The following ASB12 variants were observed in gnomAD, a reference collection of about 807,000 sequenced individuals.
ASB12 encodes ankyrin repeat and SOCS box containing 12, also known as ankyrin repeat and SOCS box protein 12.
Under a neutral mutation model 13.7 loss-of-function variants are expected in ASB12, and 17 were observed. That is an observed-to-expected ratio of 1.24 (90% CI 0.85 to 1.86). The LOEUF is 1.86. Ranked by LOEUF, ASB12 falls within the 40% of genes most tolerant of loss-of-function variation. The pLI is 0.00. For synonymous variants in ASB12, 107 were observed against 99.8 expected (o/e 1.07, Z -0.43); for missense variants, 329 against 250.5 (o/e 1.31, Z -2.11).
chrX:64,225,798 C>A, intron 1 of ASB12, 124 bp from the exon 2 acceptor site: 2 of 837,305 alleles, frequency 2.4e-6, no homozygotes, highest in African/African-American at 4.1e-5. Context: ...CTACTTCTCA[C>A]TCCCAATCCC....
intron 1 of ASB12, among the ~76,000 whole-genome samples, chrX:64,227,866 T>C (rs888972328): frequency 8.0e-5 from 9 of 111,848 alleles, no homozygotes; most frequent in Non-Finnish European, 1.5e-4. Flanking sequence ...CCCACTCTCA[T>C]AAAATCCCAT....
In ASB12 at chrX:64,224,919, G is replaced by A. The variant is rs1466875448; in HGVS notation, c.732C>T (p.Ile244=). Residue 244 remains isoleucine, a synonymous_variant, in exon 2 of 3, where the codon ATC becomes ATT. Transcript: ENST00000362002. The stretch of plus-strand genomic sequence containing the variant: ...GAAGGTAGATATTAGCACCAAAATC[G>A]ATTAACAGCTGGATATACTCTGGCT... ...NCEPEYIQLL[I]DFGANIYLPS... 1 of 1,210,805 alleles carries A rather than the reference G, an allele frequency of 8.3e-7. No individual in the cohort carries two copies. The highest frequency in any genetic ancestry group is 1.8e-5 in the South Asian group (1 of 56,793).
In ASB12 at chrX:64,224,218, G is replaced by T; in HGVS notation, c.*117C>A. ...CTTATTTTCTGGAGAATTTTATTGT[G>T]GAGGATAATACAGGAGAGCAGCTCC... On this transcript the variant is annotated 3_prime_UTR_variant, in exon 3 of 3. Transcript: ENST00000362002. The T allele has an allele frequency of 2.4e-6, 2 of 845,931 alleles. No individual in the cohort carries two copies. The highest frequency in any genetic ancestry group is 3.4e-6 in the Non-Finnish European group (2 of 589,267). 69.7% of individuals were successfully genotyped at this position (845,931 alleles called of 1,213,427 possible).
chrX:64,224,502 T>C lies in ASB12; in HGVS notation c.824-34A>G, dbSNP rs140412046. 3.6e-4 allele frequency: 428 copies of C among 1,186,109 alleles called. 2 individuals are homozygous for C. In the East Asian group the frequency reaches 0.011, roughly 31 times the overall value. On this transcript the variant is annotated intron_variant, in intron 2 of 2. Coordinates refer to ENST00000362002, the MANE Select transcript of ASB12 (RefSeq NM_130388.4). ...AGAAGAAACAGGTCATGAGGAGCAA[T>C]TATCAGCAAAATTCTCCCACACAAG...
At chrX:64,226,962 C>T in intron 1 of ASB12, among the ~76,000 whole-genome samples, 1 of 110,769 alleles carries the variant, frequency 9.0e-6, no homozygotes, top group Admixed American at 9.6e-5. Context: ...GGCCCCTCCC[C>T]ACCCACCAGC....
In ASB12 at chrX:64,226,556, A is replaced by G. The variant is rs746495142; in HGVS notation, c.-24-882T>C. On this transcript the variant is annotated intron_variant, in intron 1 of 2. Transcript: ENST00000362002. ...AATCCAGGAGTCCCTTTGATTGCCA[A>G]CACTGGCTCCCCATTCCTCTGGCTT... Among the ~76,000 whole-genome samples, 3 of 111,803 alleles carry G rather than the reference A, an allele frequency of 2.7e-5. No homozygotes were observed. The South Asian group carries it at 1.1e-3, about 42-fold the overall frequency.
chrX:64,229,044 G>T (rs1931004882), intron 1 of ASB12, among the ~76,000 whole-genome samples: 1 of 111,217 alleles, frequency 9.0e-6, no homozygotes, highest in Non-Finnish European at 1.9e-5. Context: ...TCTATTACAA[G>T]ATGAAACACA....
At chrX:64,224,767 A>T (rs1930897906) in intron 2 of ASB12, 61 bp downstream of exon 2, 3 of 1,128,097 alleles carry the variant, frequency 2.7e-6, no homozygotes, top group South Asian at 4.4e-5. Flanking sequence ...CTTATACGTG[A>T]TTTAGAGCCC....
chrX:64,225,472 T>A lies in ASB12; in HGVS notation c.179A>T (p.Tyr60Phe). ...TLDQLLRQER[Y>F]KRFINSRSGW... The stretch of plus-strand genomic sequence containing the variant: ...ACTCCTGCTGTTGATGAAACGTTTG[T>A]AACGCTCCTGGCGCAAAAGCTGGTC... The change falls in exon 2 of 3, where the codon TAC (tyrosine) becomes TTC (phenylalanine). Residue 60 changes from tyrosine (Y) to phenylalanine (F), a missense_variant. Coordinates refer to ENST00000362002, the MANE Select transcript of ASB12 (RefSeq NM_130388.4). The A allele has an allele frequency of 8.3e-7, 1 of 1,211,312 alleles. No homozygotes were observed. The highest frequency in any genetic ancestry group is 1.1e-6 in the Non-Finnish European group (1 of 895,300).
At position 64,225,527 on chromosome X, in the gene ASB12, C is replaced by T. The variant is rs757035117; in HGVS notation, c.124G>A (p.Ala42Thr). Reference sequence around the variant, plus strand: ...GTATAGGAGTCGTTGTCATACACTGCTTGATTGAGAGCCTGCTTCTCCTCT... The same window carrying T: ...GTATAGGAGTCGTTGTCATACACTGTTTGATTGAGAGCCTGCTTCTCCTCT... ...DTEEKQALNQ[A>T]VYDNDSYTLD... Residue 42 changes from alanine to threonine, a missense_variant, in exon 2 of 3, where the codon GCA becomes ACA. Physicochemically the swap from Ala to Thr is moderately conservative, Grantham distance 58. Coordinates refer to ENST00000362002, the MANE Select transcript of ASB12 (RefSeq NM_130388.4). 1 of 1,209,952 alleles carries T rather than the reference C, an allele frequency of 8.3e-7. No individual in the cohort carries two copies. Among genetic ancestry groups the T allele is most frequent in the Non-Finnish European group, 1.1e-6 (1 of 894,630 alleles).
At chrX:64,230,304 C>G (rs927885737) in intron 1 of ASB12, among the ~76,000 whole-genome samples, 159 bp downstream of exon 1, 10 of 111,391 alleles carry the variant, frequency 9.0e-5, no homozygotes, top group Non-Finnish European at 1.7e-4. Context: ...CCTCCCTCCT[C>G]CTGGTGGGTT....
chrX:64,230,031 C>A (rs1254283369), intron 1 of ASB12, among the ~76,000 whole-genome samples: 1 of 111,232 alleles, frequency 9.0e-6, no homozygotes, highest in Non-Finnish European at 1.9e-5. Flanking sequence ...TAGAGCATTC[C>A]TTCAGGCATT....
intron 1 of ASB12, among the ~76,000 whole-genome samples, chrX:64,229,875 C>T (rs1414370): frequency 1.8e-5 from 2 of 110,568 alleles, no homozygotes. Flanking sequence ...GGAAATAGTA[C>T]ATTTTAGTTA....
rs996772584 is a variant in ASB12, at chrX:64,224,524, C to G, written c.824-56G>C. 5 of 1,127,490 alleles carry G rather than the reference C, an allele frequency of 4.4e-6. No individual in the cohort carries two copies. In the African/African-American group the frequency reaches 9.0e-5, roughly 20 times the overall value. The allele number at this position is 1,127,490 out of a possible 1,213,427, so 92.9% of individuals were successfully genotyped here. On this transcript the variant is annotated intron_variant, in intron 2 of 2. Transcript: ENST00000362002. ...CAATTATCAGCAAAATTCTCCCACACAAGCCTACATCCACTCTCCACTGGC... is the reference window on the plus strand; with the variant it reads ...CAATTATCAGCAAAATTCTCCCACAGAAGCCTACATCCACTCTCCACTGGC...
At position 64,224,262 on chromosome X, in the gene ASB12, G is replaced by A; in HGVS notation, c.*73C>T. 9.0e-7 allele frequency: 1 copy of A among 1,108,437 alleles called. No individual in the cohort carries two copies. Among genetic ancestry groups the A allele is most frequent in the East Asian group, 3.0e-5 (1 of 32,903 alleles). 91.3% of individuals were successfully genotyped at this position (1,108,437 alleles called of 1,213,427 possible). A position where few individuals can be genotyped will look rare whatever the true frequency, so the allele number is the denominator to read the frequency against. On this transcript the variant is annotated 3_prime_UTR_variant, in exon 3 of 3. Coordinates refer to ENST00000362002, the MANE Select transcript of ASB12 (RefSeq NM_130388.4). ...CAGCTCCAGGTAAGTGGATGAGGCT[G>A]TAATGCTCTCCAGCTACGTGAGTCC...
chrX:64,230,604 C>T lies in ASB12; in HGVS notation c.-166G>A, dbSNP rs1452161885. On this transcript the variant is annotated 5_prime_UTR_variant, in exon 1 of 3. Coordinates refer to ENST00000362002, the MANE Select transcript of ASB12 (RefSeq NM_130388.4). ...TGGGGCTCTCGTTTCCCACTGTTAA[C>T]AATGCCGTTGAAAGACTAGGAGTCA... 8.9e-6 allele frequency: 1 copy of T among 111,986 alleles called. No homozygotes were observed. The highest frequency in any genetic ancestry group is 2.8e-4 in the East Asian group (1 of 3,541). 9.2% of individuals were successfully genotyped at this position (111,986 alleles called of 1,213,427 possible).
rs151000379 is a variant in ASB12 at position 64,229,935 on chromosome X, C to T, written c.-25+528G>A. 2.8e-3 allele frequency among the ~76,000 whole-genome samples: 317 copies of T among 111,276 alleles called. 1 individual carries two copies. The highest frequency in any genetic ancestry group is 0.01 in the African/African-American group (310 of 30,575). On this transcript the variant is annotated intron_variant, in intron 1 of 2. Transcript: ENST00000362002. ...TGTCTATTCATCCAAGTTTCTGGAC[C>T]CCTTGAATTCTATCTAAGGCCCTCT...
At chrX:64,224,543 C>T (rs974843018) in intron 2 of ASB12, 75 bp from the exon 3 acceptor site, 36 of 1,041,556 alleles carry the variant, frequency 3.5e-5, no homozygotes, top group Non-Finnish European at 4.3e-5. Context: ...ATCCACTCTC[C>T]ACTGGCTACT....
At chrX:64,228,864 C>T (rs1194807428) in intron 1 of ASB12, among the ~76,000 whole-genome samples, 2 of 111,719 alleles carry the variant, frequency 1.8e-5, no homozygotes, top group African/African-American at 6.5e-5. Context: ...ACTTATAATC[C>T]TGTGCTTTTC....
Sources: gnomAD v4.1 joint callset for allele counts (sites outside exome capture counted in the v4.1 genomes callset) on GRCh38, gnomAD v4.1.1 for gene constraint, MANE v1.5 for transcripts, NCBI Gene and HGNC (gene_info 2026-07-23, HGNC 2026-07-21) for gene names.